The following SPOP variants were observed in gnomAD, a reference collection of about 807,000 sequenced individuals.
SPOP encodes speckle type BTB/POZ protein, also known as speckle-type POZ protein.
A neutral mutation model predicts 45.6 loss-of-function variants in SPOP; 11 were observed. That is an observed-to-expected ratio of 0.24 (90% CI 0.15 to 0.40). The LOEUF (loss-of-function observed/expected upper bound fraction) is 0.40, where lower values mean the gene tolerates loss of function less well. Ranked by LOEUF, SPOP falls within the 10% of genes least tolerant of loss-of-function variation. The probability of loss-of-function intolerance (pLI) is 1.00; values close to 1 mark genes in which losing one functional copy is unlikely to be tolerated. For synonymous variants in SPOP, 166 were observed against 166.3 expected, an observed-to-expected ratio of 1.00 and a Z score of 0.01; for missense variants, 152 against 465.6, an observed-to-expected ratio of 0.33 and a Z score of 6.20.
At chr17:49,671,551 G>A (rs528383720) in intron 1 of SPOP, among the ~76,000 whole-genome samples, 2 of 151,842 alleles carry the variant, frequency 1.3e-5, no homozygotes, top group East Asian at 3.9e-4. Context: ...TCAAAAAGAA[G>A]GTAATGTTGG....
intron 1 of SPOP, among the ~76,000 whole-genome samples, chr17:49,671,953 A>T (rs2073141244): frequency 6.6e-6 from 1 of 152,170 alleles, no homozygotes; most frequent in East Asian, 1.9e-4. Flanking sequence ...ATCCTGGCTA[A>T]CACGGTGAAA....
At chr17:49,634,210 G>A (rs1312172483) in intron 1 of SPOP, among the ~76,000 whole-genome samples, 1 of 152,106 alleles carries the variant, frequency 6.6e-6, no homozygotes, top group African/African-American at 2.4e-5. Flanking sequence ...AAAGGCAAAC[G>A]CAAGCAATCA....
rs562124210 is a variant in SPOP, at chr17:49,628,781, T to C, written c.-66-5905A>G. Among the ~76,000 whole-genome samples the C allele has an allele frequency of 2.6e-5, 4 of 152,320 alleles. No homozygotes were observed. In the South Asian group the frequency reaches 8.3e-4, roughly 32 times the overall value. On this transcript the variant is annotated intron_variant, in intron 1 of 9. Transcript: ENST00000504102. ...TAATGCTGTCGTGATGCACAGATAA[T>C]GCTTTCAACTGAACCTACGGTGCAC...
At chr17:49,659,394 C>T (rs139630156) in intron 1 of SPOP, among the ~76,000 whole-genome samples, 4 of 152,208 alleles carry the variant, frequency 2.6e-5, no homozygotes, top group African/African-American at 7.2e-5. Context: ...CCGACAGCTT[C>T]GTATCTGCTA....
In SPOP at chr17:49,619,500, T is replaced by C; in HGVS notation, c.201-115A>G. On this transcript the variant is annotated intron_variant, in intron 3 of 9. Coordinates refer to ENST00000504102, the MANE Select transcript of SPOP (RefSeq NM_001007228.2). This position sits in a 1 kb window ranked among gnomAD's most constrained non-coding sequence, Gnocchi z 4.9. ...AACAAATGCAGGCCCCATAGAAGAA[T>C]ATAATTCAGTAGAATGACTAGTTGG... is the stretch of plus-strand genomic sequence containing the variant. 1 of 1,080,616 alleles carries C rather than the reference T, an allele frequency of 9.3e-7. No individual in the cohort carries two copies. The highest frequency in any genetic ancestry group is 1.3e-6 in the Non-Finnish European group (1 of 769,670). 66.9% of individuals were successfully genotyped at this position (1,080,616 alleles called of 1,614,324 possible).
At chr17:49,638,264 A>G (rs552326170) in intron 1 of SPOP, among the ~76,000 whole-genome samples, 6 of 152,284 alleles carry the variant, frequency 3.9e-5, no homozygotes, top group South Asian at 4.1e-4. Flanking sequence ...AAAATAAAGT[A>G]TTGCATAAAT....
At chr17:49,657,273 T>A (rs1198863724) in intron 1 of SPOP, among the ~76,000 whole-genome samples, 1 of 152,170 alleles carries the variant, frequency 6.6e-6, no homozygotes, top group Non-Finnish European at 1.5e-5. Flanking sequence ...TTTTTTCAAT[T>A]ACAAGAATAT....
At chr17:49,629,510 A>T (rs1325885135) in intron 1 of SPOP, among the ~76,000 whole-genome samples, 1 of 152,248 alleles carries the variant, frequency 6.6e-6, no homozygotes, top group Non-Finnish European at 1.5e-5. Context: ...TTATTCTACA[A>T]GAGGAGAAAG....
intron 1 of SPOP, among the ~76,000 whole-genome samples, chr17:49,632,101 T>C (rs2143377056): frequency 6.6e-6 from 1 of 152,352 alleles, no homozygotes; most frequent in Non-Finnish European, 1.5e-5. Flanking sequence ...GCAATTAGAC[T>C]CCTTCTCTTT....
intron 1 of SPOP, among the ~76,000 whole-genome samples, chr17:49,644,211 C>T (rs1049609235): frequency 1.3e-5 from 2 of 151,990 alleles, no homozygotes; most frequent in African/African-American, 4.8e-5. Context: ...AAAAAATTAA[C>T]TAAATTAAAA....
At chr17:49,603,412 C>T (rs1055529244) in intron 8 of SPOP, among the ~76,000 whole-genome samples, 6 of 152,194 alleles carry the variant, frequency 3.9e-5, no homozygotes, top group African/African-American at 7.2e-5. Context: ...GCTCTGATCC[C>T]TATTGCATAA....
chr17:49,608,278 G>A (rs762337091), intron 6 of SPOP, among the ~76,000 whole-genome samples: 23 of 152,126 alleles, frequency 1.5e-4, no homozygotes, highest in Admixed American at 3.9e-4. Flanking sequence ...ATCAAGCAGG[G>A]TGTTCTAATA....
intron 1 of SPOP, among the ~76,000 whole-genome samples, chr17:49,673,864 G>A (rs573799749): frequency 1.8e-4 from 28 of 151,622 alleles, no homozygotes; most frequent in African/African-American, 6.8e-4. Context: ...TTACATCTTT[G>A]GGCCGGGCGT....
At chr17:49,609,096 A>G (rs962079346) in intron 6 of SPOP, among the ~76,000 whole-genome samples, 1 of 152,042 alleles carries the variant, frequency 6.6e-6, no homozygotes, top group African/African-American at 2.4e-5. Flanking sequence ...TTTAGTAGAG[A>G]TGGGGTTTTA....
intron 1 of SPOP, among the ~76,000 whole-genome samples, chr17:49,672,584 T>C (rs566573169): frequency 2.6e-5 from 4 of 152,296 alleles, no homozygotes; most frequent in African/African-American, 9.6e-5. Flanking sequence ...TATGAAACTA[T>C]GAAGAAATAA....
intron 1 of SPOP, among the ~76,000 whole-genome samples, chr17:49,660,747 G>A (rs1291102073): frequency 2.0e-5 from 3 of 152,110 alleles, no homozygotes; most frequent in African/African-American, 4.8e-5. Flanking sequence ...GGCGGATCAC[G>A]AGGTCAGGAG....
intron 1 of SPOP, among the ~76,000 whole-genome samples, chr17:49,653,225 T>G (rs1189095173): frequency 6.6e-6 from 1 of 152,158 alleles, no homozygotes; most frequent in East Asian, 1.9e-4. Flanking sequence ...ATATATGCAT[T>G]TTATTTTAAA....
Position 49,601,961 on chromosome 17 carries a change from C to T in SPOP, c.884G>A (p.Ser295Asn), listed in dbSNP as rs1406463841. The T allele has an allele frequency of 3.1e-6, 5 of 1,614,062 alleles. No individual in the cohort carries two copies. Among genetic ancestry groups the T allele is most frequent in the Non-Finnish European group, 4.2e-6 (5 of 1,180,014 alleles). The change falls in exon 9 of 10, where the codon AGT becomes AAT. Residue 295 changes from serine to asparagine, a missense_variant. This residue lies in a region of SPOP where 106 missense variants were observed against 255.2 expected (regional missense o/e 0.42). Transcript: ENST00000504102. ...LKVMCEDALCSNLSVENAAEI... is the reference protein window; with the variant it reads ...LKVMCEDALCNNLSVENAAEI... The stretch of plus-strand genomic sequence containing the variant: ...TGCAGCGTTCTCCACGGACAGGTTA[C>T]TGCAGAGGGCATCCTCACACATGAC...
intron 8 of SPOP, among the ~76,000 whole-genome samples, chr17:49,604,921 G>T (rs1021442298): frequency 1.3e-5 from 2 of 152,216 alleles, no homozygotes; most frequent in Non-Finnish European, 2.9e-5. Flanking sequence ...GAGAAATGCT[G>T]TCTATCATAA....
Sources: gnomAD v4.1 joint callset for allele counts (sites outside exome capture counted in the v4.1 genomes callset) on GRCh38, gnomAD v4.1.1 for gene constraint, gnomAD v4.1.1 regional missense constraint, Gnocchi (gnomAD v3.1) non-coding constraint, MANE v1.5 for transcripts, NCBI Gene and HGNC (gene_info 2026-07-23, HGNC 2026-07-21) for gene names.